CUX2: variants seen among roughly 807,000 people sequenced by gnomAD.
CUX2 encodes the protein cut like homeobox 2, also known as homeobox protein cut-like 2.
Under a neutral mutation model 144.8 loss-of-function variants are expected in CUX2, and 40 were observed. That is an observed-to-expected ratio of 0.28 (90% CI 0.21 to 0.36). CUX2 has a LOEUF of 0.36. CUX2 is among the 10% of genes least tolerant of loss of function. The pLI is 1.00. For synonymous variants in CUX2, 827 were observed against 875.6 expected (o/e 0.94, Z 0.98); for missense variants, 1,615 against 1,994.0 (o/e 0.81, Z 3.62).
chr12:111,098,946 G>A (rs2136065016), intron 1 of CUX2, among the ~76,000 whole-genome samples: 1 of 152,368 alleles, frequency 6.6e-6, no homozygotes, highest in South Asian at 2.1e-4. Flanking sequence ...GACAGGAACG[G>A]CCAGAAGTGC....
Position 111,307,431 on chromosome 12 carries a change from G to A in CUX2, c.1109+174G>A, listed in dbSNP as rs1009053251. On this transcript the variant is annotated intron_variant, in intron 12 of 21. Coordinates refer to ENST00000261726, the MANE Select transcript of CUX2 (RefSeq NM_015267.4). This position sits in a 1 kb window ranked among gnomAD's most constrained non-coding sequence, Gnocchi z 4.1. Reference sequence around the variant, plus strand: ...AGGCCAGGTGCAGTGGCTCATCCCTGTAATCCCAACACTTTGGGAGGCCCA... The same window carrying A: ...AGGCCAGGTGCAGTGGCTCATCCCTATAATCCCAACACTTTGGGAGGCCCA... Among the ~76,000 whole-genome samples the A allele has an allele frequency of 6.6e-6, 1 of 152,178 alleles. No homozygotes were observed.
At chr12:111,109,591 A>G (rs1873815042) in intron 1 of CUX2, among the ~76,000 whole-genome samples, 1 of 152,152 alleles carries the variant, frequency 6.6e-6, no homozygotes, top group African/African-American at 2.4e-5. Context: ...TCTTGGACTC[A>G]GGCTTTGCTC....
chr12:111,184,592 A>C (rs1032323083), intron 1 of CUX2, among the ~76,000 whole-genome samples: 1 of 151,250 alleles, frequency 6.6e-6, no homozygotes, highest in African/African-American at 2.4e-5. Context: ...AAAAAAAAAA[A>C]AAAAAAACAG....
rs1423214893 is a variant in CUX2, at chr12:111,039,103, A to T, written c.63+4863A>T. On this transcript the variant is annotated intron_variant, in intron 1 of 21. Transcript: ENST00000261726. This position sits in a 1 kb window ranked among gnomAD's most constrained non-coding sequence, Gnocchi z 4.2. Reference sequence around the variant, plus strand: ...AATATATGGTCCTGGATGATGGTAGACAAGGCTGCCCAGAAACTGTGGTTT... The same window carrying T: ...AATATATGGTCCTGGATGATGGTAGTCAAGGCTGCCCAGAAACTGTGGTTT... 6.6e-6 allele frequency among the ~76,000 whole-genome samples: 1 copy of T among 152,170 alleles called. No homozygotes were observed. Among genetic ancestry groups the T allele is most frequent in the Non-Finnish European group, 1.5e-5 (1 of 68,040 alleles).
intron 21 of CUX2, among the ~76,000 whole-genome samples, chr12:111,342,460 G>A (rs893617114): frequency 7.4e-5 from 11 of 149,042 alleles, no homozygotes; most frequent in Admixed American, 4.7e-4. Flanking sequence ...CAGCCGGGGC[G>A]ACAGAGACTC....
intron 3 of CUX2, among the ~76,000 whole-genome samples, chr12:111,256,040 A>G (rs1255021108): frequency 6.6e-6 from 1 of 151,668 alleles, no homozygotes; most frequent in African/African-American, 2.4e-5. Context: ...CCAGACCCCA[A>G]AGCACCCCTG....
At position 111,347,618 on chromosome 12, in the gene CUX2, T is replaced by TGCCCCCCCCCCCCCCC; in HGVS notation, c.3754_3755insGCCCCCCCCCCCCCCC (p.Ser1252CysfsTer16). The stretch of plus-strand genomic sequence containing the variant: ...TCCTGGAATCCTACCGCCAGGCCAC[T>TGCCCCCCCCCCCCCCC]CCCACCCAGACCCCACCCCGCAGAG... On this transcript the variant is annotated frameshift_variant, in exon 22 of 22. Coordinates refer to ENST00000261726, the MANE Select transcript of CUX2 (RefSeq NM_015267.4). LOFTEE classifies it low-confidence loss of function (END_TRUNC). 2 of 1,517,704 alleles carry TGCCCCCCCCCCCCCCC rather than the reference T, an allele frequency of 1.3e-6. No homozygotes were observed. The highest frequency in any genetic ancestry group is 1.8e-6 in the Non-Finnish European group (2 of 1,094,630). The allele number at this position is 1,517,704 out of a possible 1,614,324, so 94.0% of individuals were successfully genotyped here.
chr12:111,154,705 G>A (rs527265225), intron 1 of CUX2, among the ~76,000 whole-genome samples: 2 of 152,254 alleles, frequency 1.3e-5, no homozygotes, highest in South Asian at 4.1e-4. Context: ...GAGAGGCAAC[G>A]GTCTTGCAAG....
intron 3 of CUX2, among the ~76,000 whole-genome samples, chr12:111,253,423 C>G (rs1290076032): frequency 6.6e-6 from 1 of 152,094 alleles, no homozygotes; most frequent in Non-Finnish European, 1.5e-5. Context: ...TTTGCACCTG[C>G]CGTTCTCGCT....
intron 1 of CUX2, among the ~76,000 whole-genome samples, chr12:111,193,672 G>A (rs1266631608): frequency 6.6e-6 from 1 of 152,218 alleles, no homozygotes; most frequent in Non-Finnish European, 1.5e-5. Flanking sequence ...GAATGAAGGC[G>A]CTGGAGGTGT....
chr12:111,204,116 A>G (rs2136212993), intron 1 of CUX2, among the ~76,000 whole-genome samples: 1 of 152,282 alleles, frequency 6.6e-6, no homozygotes, highest in Middle Eastern at 3.4e-3. Context: ...CCCTGGCTGC[A>G]TTTTGCAGCA....
At chr12:111,330,748 T>TATAA (rs1888089344) in intron 18 of CUX2, among the ~76,000 whole-genome samples, 1 of 82,024 alleles carries the variant, frequency 1.2e-5, no homozygotes, top group African/African-American at 3.6e-5. Flanking sequence ...TATATATATA[T>TATAA]ATAAAGAGAG....
Position 111,312,257 on chromosome 12 carries a change from G to A in CUX2, c.2002+56G>A, listed in dbSNP as rs1001242988. 6.8e-6 allele frequency: 10 copies of A among 1,460,710 alleles called. No individual in the cohort carries two copies. The highest frequency in any genetic ancestry group is 4.2e-5 in the African/African-American group (3 of 70,944). The allele number at this position is 1,460,710 out of a possible 1,614,324, so 90.5% of individuals were successfully genotyped here. On this transcript the variant is annotated intron_variant, in intron 16 of 21. Coordinates refer to ENST00000261726, the MANE Select transcript of CUX2 (RefSeq NM_015267.4). The surrounding 1 kb of genome is among the most constrained non-coding windows in gnomAD (Gnocchi z 4.3). ...GGCCCCCGGGGCCAGCTGCGAACAG[G>A]AGATGAGGCTTCGTCTACCTTTGTC...
At chr12:111,233,708 T>C (rs1229866820) in intron 3 of CUX2, among the ~76,000 whole-genome samples, 1 of 152,156 alleles carries the variant, frequency 6.6e-6, no homozygotes, top group Non-Finnish European at 1.5e-5. Context: ...CCTGAGAACA[T>C]TGTGTTTCTT....
At position 111,068,185 on chromosome 12, in the gene CUX2, T is replaced by G. The variant is rs1871100392; in HGVS notation, c.63+33945T>G. ...TATCTTTGATCTCAAAAAAAGATCA[T>G]CTTGGAAAAGATTGTTTTGTGTGCA... On this transcript the variant is annotated intron_variant, in intron 1 of 21. Transcript: ENST00000261726. The surrounding 1 kb of genome is among the most constrained non-coding windows in gnomAD (Gnocchi z 4.9). 6.6e-6 allele frequency among the ~76,000 whole-genome samples: 1 copy of G among 152,216 alleles called. No individual in the cohort carries two copies. The highest frequency in any genetic ancestry group is 2.4e-5 in the African/African-American group (1 of 41,452).
chr12:111,328,975 C>CTCTCTCTCTCTCT (rs1491501890), intron 18 of CUX2, among the ~76,000 whole-genome samples: 48 of 65,656 alleles, frequency 7.3e-4, no homozygotes, highest in African/African-American at 3.5e-3. Flanking sequence ...CTCTCTCTCT[C>CTCTCTCTCTCTCT]CCCCTCTCTC....
At chr12:111,316,900 C>T (rs60676936) in intron 16 of CUX2, among the ~76,000 whole-genome samples, 4,921 of 152,222 alleles carry the variant, frequency 0.032, 219 homozygotes, top group East Asian at 0.11. Flanking sequence ...ACTCTCCCCC[C>T]AGCCCCTGGA....
intron 21 of CUX2, 44 bp downstream of exon 21, chr12:111,342,097 G>C (rs1249018523): frequency 6.4e-7 from 1 of 1,566,602 alleles, no homozygotes; most frequent in Non-Finnish European, 8.7e-7. Context: ...GCAGAATCCA[G>C]GTGGGACCCC....
intron 2 of CUX2, among the ~76,000 whole-genome samples, chr12:111,214,511 G>A (rs1027443337): frequency 3.3e-5 from 5 of 152,190 alleles, no homozygotes; most frequent in Non-Finnish European, 7.3e-5. Context: ...GGAGGGCGGG[G>A]CGTTTCTCCA....
Sources: allele counts gnomAD v4.1 joint callset (sites outside exome capture counted in the v4.1 genomes callset), GRCh38; gene constraint gnomAD v4.1.1; non-coding constraint Gnocchi (gnomAD v3.1); transcripts MANE v1.5; gene names NCBI Gene and HGNC (gene_info 2026-07-23, HGNC 2026-07-21).